PRR5: variants seen among roughly 807,000 people sequenced by gnomAD.
PRR5 encodes proline-rich protein 5.
PRR5 carries 25 observed loss-of-function variants against 30.6 expected under a neutral mutation model. That is an observed-to-expected ratio of 0.82 (90% CI 0.60 to 1.14). The LOEUF is 1.14. Ranked by LOEUF, PRR5 falls within the 50% of genes most tolerant of loss-of-function variation. The pLI is 0.00. For missense variants in PRR5, 600 were observed against 547.1 expected, an observed-to-expected ratio of 1.10 and a Z score of -0.96; for synonymous variants, 286 against 247.1, an observed-to-expected ratio of 1.16 and a Z score of -1.48.
At chr22:44,676,634 C>T (rs916400), upstream of PRR5, among the ~76,000 whole-genome samples, 8,638 of 151,502 alleles carry the variant, frequency 0.057, 519 homozygotes, top group African/African-American at 0.15. Flanking sequence ...AGGAGGGGGG[C>T]TGTCCAAGGG....
chr22:44,677,871 G>A (rs2146934748), intron 1 of PRR5, among the ~76,000 whole-genome samples: 1 of 152,290 alleles, frequency 6.6e-6, no homozygotes, highest in East Asian at 1.9e-4. Context: ...CTTTCTCACG[G>A]CCTCACATCC....
rs1929285261 is a variant in PRR5 at position 44,717,681 on chromosome 22, A to G, written c.215+3010A>G. The stretch of plus-strand genomic sequence containing the variant: ...TCTCTCACTCAGTGCAGTGCTCTTG[A>G]GGTCCGCTCAGGGAGGAGTACTTAC... On this transcript the variant is annotated intron_variant, in intron 2 of 7. Transcript: ENST00000336985. Among the ~76,000 whole-genome samples the G allele has an allele frequency of 1.3e-5, 2 of 150,088 alleles. 1 individual carries two copies. Among genetic ancestry groups the G allele is most frequent in the South Asian group, 4.2e-4 (2 of 4,768 alleles).
rs1394714198 is a variant in PRR5, at chr22:44,737,547, G to A, written c.*300G>A. 1 of 416,244 alleles carries A rather than the reference G, an allele frequency of 2.4e-6. No individual in the cohort carries two copies. The highest frequency in any genetic ancestry group is 4.2e-6 in the Non-Finnish European group (1 of 237,650). The allele number at this position is 416,244 out of a possible 1,614,324, so 25.8% of individuals were successfully genotyped here. On this transcript the variant is annotated 3_prime_UTR_variant, in exon 8 of 8. Coordinates refer to ENST00000336985, the MANE Select transcript of PRR5 (RefSeq NM_181333.4). ...CCCCAGCCCTCTGGTGTCCACACCT[G>A]CCCACAGAGAATGTAAACCCAGTGG...
Position 44,736,882 on chromosome 22 carries a change from G to C in PRR5, c.802G>C (p.Ala268Pro). ...PLLNPVQEHE[A>P]EGAAAGGTSI... is the part of the protein sequence containing the mutation. Reference sequence around the variant, plus strand: ...GCTGAACCCCGTGCAGGAGCACGAGGCGGAGGGCGCGGCGGCCGGCGGTAC... The same window carrying C: ...GCTGAACCCCGTGCAGGAGCACGAGCCGGAGGGCGCGGCGGCCGGCGGTAC... Residue 268 changes from alanine (A) to proline (P), a missense_variant, in exon 8 of 8, where the codon GCG becomes CCG. Transcript: ENST00000336985. The C allele has an allele frequency of 1.9e-6, 3 of 1,609,514 alleles. No homozygotes were observed. In the Admixed American group the frequency reaches 5.0e-5, roughly 27 times the overall value.
chr22:44,732,807 T>C (rs1569111365), intron 6 of PRR5, among the ~76,000 whole-genome samples: 1 of 139,118 alleles, frequency 7.2e-6, no homozygotes, highest in African/African-American at 2.8e-5. Context: ...TGCACACGCA[T>C]ACACACTACA....
At chr22:44,679,969 G>A (rs1924124359) in intron 1 of PRR5, 2 of 1,342,418 alleles carry the variant, frequency 1.5e-6, no homozygotes, top group South Asian at 1.3e-5. Flanking sequence ...CTTAGGGAAA[G>A]GTGAGTAGGA....
At chr22:44,707,769 G>C (rs1927467671) in intron 1 of PRR5, among the ~76,000 whole-genome samples, 1 of 152,192 alleles carries the variant, frequency 6.6e-6, no homozygotes, top group African/African-American at 2.4e-5. Context: ...CCCCACCCCT[G>C]CAGTCCACAC....
At chr22:44,692,439 C>A (rs1424401399) in intron 1 of PRR5, among the ~76,000 whole-genome samples, 1 of 140,982 alleles carries the variant, frequency 7.1e-6, no homozygotes, top group African/African-American at 2.6e-5. Flanking sequence ...GGCTCCTCCT[C>A]CTGGGGCTCC....
chr22:44,735,667 G>A (rs937379919), intron 7 of PRR5, among the ~76,000 whole-genome samples: 81 of 152,134 alleles, frequency 5.3e-4, no homozygotes, highest in African/African-American at 1.9e-3. Flanking sequence ...AGTACCTGTT[G>A]TGCCCCATCC....
At chr22:44,675,233 G>A (rs1923664909), upstream of PRR5, among the ~76,000 whole-genome samples, 1 of 150,234 alleles carries the variant, frequency 6.7e-6, no homozygotes, top group South Asian at 2.1e-4. Flanking sequence ...CCAGGTGACA[G>A]AGCAAGACGC....
At chr22:44,704,769 A>G (rs1926920158) in intron 1 of PRR5, among the ~76,000 whole-genome samples, 2 of 151,626 alleles carry the variant, frequency 1.3e-5, no homozygotes, top group African/African-American at 2.4e-5. Context: ...AGACATGCCC[A>G]GCTCATCCAT....
At chr22:44,730,673 G>A (rs1043370245) in intron 4 of PRR5, 7 of 1,031,692 alleles carry the variant, frequency 6.8e-6, no homozygotes, top group Non-Finnish European at 7.1e-6. Flanking sequence ...CCTATAGCCA[G>A]CTTGGATGCT....
chr22:44,736,655 C>T (rs60618224), intron 7 of PRR5, 117 bp from the exon 8 acceptor site: 156,727 of 1,451,930 alleles, frequency 0.11, 10,415 homozygotes, highest in East Asian at 0.29. Flanking sequence ...GGCCCCGGGT[C>T]GGGCCTTCCC....
chr22:44,705,989 A>C (rs953735895), intron 1 of PRR5, among the ~76,000 whole-genome samples: 1 of 151,692 alleles, frequency 6.6e-6, no homozygotes, highest in Non-Finnish European at 1.5e-5. Context: ...TAGTAGAGAC[A>C]GGGTTTCACC....
intron 1 of PRR5, among the ~76,000 whole-genome samples, chr22:44,706,058 C>T (rs773653387): frequency 6.6e-6 from 1 of 152,164 alleles, no homozygotes; most frequent in Non-Finnish European, 1.5e-5. Flanking sequence ...CCTCAGCCTC[C>T]GGAAGTGCTG....
intron 4 of PRR5, among the ~76,000 whole-genome samples, chr22:44,727,305 C>T (rs1305363975): frequency 6.6e-6 from 1 of 152,110 alleles, no homozygotes; most frequent in East Asian, 1.9e-4. Context: ...GCAGCGTGCG[C>T]ATCCTTGCAG....
chr22:44,674,970 T>C (rs1013244897), upstream of PRR5, among the ~76,000 whole-genome samples: 10 of 124,622 alleles, frequency 8.0e-5, no homozygotes, highest in East Asian at 1.0e-3. Flanking sequence ...AGAAAGAGGC[T>C]GGGCGCGGTG....
In PRR5 at chr22:44,679,840, C is replaced by T. The variant is rs765335057; in HGVS notation, c.-11+2600C>T. The T allele has an allele frequency of 7.4e-5, 119 of 1,598,822 alleles. No homozygotes were observed. The Middle Eastern group carries it at 2.5e-3, about 34-fold the overall frequency. ...CTTTCACAGAGGGAAGCCTGGGGCT[C>T]GGGAAGCCCGGAAAAGATGCCGGCG... On this transcript the variant is annotated intron_variant, in intron 1 of 8. Coordinates refer to the PRR5 transcript ENST00000006251.
intron 2 of PRR5, among the ~76,000 whole-genome samples, chr22:44,716,402 G>T (rs1929056488): frequency 6.6e-6 from 1 of 152,204 alleles, no homozygotes; most frequent in Admixed American, 6.5e-5. Context: ...AACCTGTAGT[G>T]GCTCTTGCCC....
Sources: gnomAD v4.1 joint callset for allele counts (sites outside exome capture counted in the v4.1 genomes callset) on GRCh38, gnomAD v4.1.1 for gene constraint, MANE v1.5 for transcripts, NCBI Gene and HGNC (gene_info 2026-07-23, HGNC 2026-07-21) for gene names.